The following SNTG1 variants were observed in gnomAD, a reference collection of about 807,000 sequenced individuals.
SNTG1 encodes syntrophin gamma 1.
A neutral mutation model predicts 74.7 loss-of-function variants in SNTG1; 39 were observed. The observed-to-expected ratio is 0.52, with a 90% CI of 0.40 to 0.68. The LOEUF is 0.68. SNTG1 is among the 30% of genes least tolerant of loss of function. The pLI is 0.00. For synonymous variants in SNTG1, 254 were observed against 217.1 expected, an observed-to-expected ratio of 1.17 and a Z score of -1.49; for missense variants, 685 against 609.5, an observed-to-expected ratio of 1.12 and a Z score of -1.30.
intron 18 of SNTG1, among the ~76,000 whole-genome samples, chr8:50,788,523 C>A (rs1382748491): frequency 6.6e-6 from 1 of 151,846 alleles, no homozygotes; most frequent in African/African-American, 2.4e-5. Context: ...GAACGCTAAG[C>A]GTGTGGGAGT....
intron 12 of SNTG1, among the ~76,000 whole-genome samples, chr8:50,579,771 G>T (rs1327491592): frequency 6.6e-6 from 1 of 152,216 alleles, no homozygotes; most frequent in Non-Finnish European, 1.5e-5. Context: ...AAAAATTGAG[G>T]TTTGGGAACT....
At chr8:50,792,084 T>A (rs926235009) in intron 18 of SNTG1, among the ~76,000 whole-genome samples, 3 of 151,688 alleles carry the variant, frequency 2.0e-5, no homozygotes, top group Admixed American at 6.6e-5. Context: ...TAGTTTATTT[T>A]TTTTTTTTTT....
At chr8:50,784,756 A>C (rs527900521) in intron 18 of SNTG1, among the ~76,000 whole-genome samples, 2 of 152,322 alleles carry the variant, frequency 1.3e-5, no homozygotes, top group East Asian at 3.9e-4. Context: ...GCTAATATCT[A>C]AGATCTAACT....
chr8:50,477,230 G>A (rs2093704153), intron 8 of SNTG1, among the ~76,000 whole-genome samples: 1 of 152,028 alleles, frequency 6.6e-6, no homozygotes, highest in African/African-American at 2.4e-5. Flanking sequence ...AAAAGGAGGG[G>A]TGGGGAGAGG....
At position 50,213,140 on chromosome 8, in the gene SNTG1, A is replaced by G. The variant is rs529605512; in HGVS notation, c.-28+40505A>G. 2.0e-4 allele frequency among the ~76,000 whole-genome samples: 30 copies of G among 152,328 alleles called. No homozygotes were observed. In the South Asian group the frequency reaches 6.0e-3, roughly 31 times the overall value. The stretch of plus-strand genomic sequence containing the variant: ...ATCATCACTTATCGAAAATTCTCAG[A>G]CAGGCTTGCTTGTGCATAGGCGGTG... On this transcript the variant is annotated intron_variant, in intron 2 of 18. Transcript: ENST00000642720.
At chr8:50,781,343 CTCTTTG>C (rs2095658818) in intron 18 of SNTG1, among the ~76,000 whole-genome samples, 1 of 152,068 alleles carries the variant, frequency 6.6e-6, no homozygotes, top group East Asian at 1.9e-4. Flanking sequence ...GAGTCTAAGT[CTCTTTG>C]TAGGTCACTC....
chr8:50,011,888 T>A (rs549533655), intron 1 of SNTG1: 3 of 152,318 alleles, frequency 2.0e-5, no homozygotes, highest in Admixed American at 2.0e-4. Flanking sequence ...TGGCAACAAC[T>A]TGAATGTCAA....
chr8:50,483,685 T>C (rs1401674551), intron 8 of SNTG1, among the ~76,000 whole-genome samples: 3 of 152,188 alleles, frequency 2.0e-5, no homozygotes, highest in Non-Finnish European at 2.9e-5. Flanking sequence ...TTCTACAATA[T>C]TTACTTCTTA....
intron 2 of SNTG1, among the ~76,000 whole-genome samples, chr8:50,219,668 A>G (rs1174634207): frequency 6.6e-6 from 1 of 152,152 alleles, no homozygotes; most frequent in East Asian, 1.9e-4. Context: ...AAATCTCATG[A>G]GAACTCACTC....
At chr8:50,536,963 C>T (rs1563541009) in intron 11 of SNTG1, among the ~76,000 whole-genome samples, 155 bp downstream of exon 11, 2 of 152,192 alleles carry the variant, frequency 1.3e-5, no homozygotes, top group African/African-American at 4.8e-5. Context: ...AAGTTAAACA[C>T]TTATTATTCT....
At chr8:49,989,179 A>G (rs889252132) in intron 1 of SNTG1, among the ~76,000 whole-genome samples, 3 of 152,104 alleles carry the variant, frequency 2.0e-5, no homozygotes, top group African/African-American at 4.8e-5. Context: ...CTCTGAAATC[A>G]TTTTCTAAAA....
rs555098012 is a variant in SNTG1, at chr8:50,247,903, A to G, written c.-28+75268A>G. ...TTTATTGTCTCATAATTTTGTAGGCAAGAAGTCTGAGATCAAGTTGTTGGC... is the reference window on the plus strand; with the variant it reads ...TTTATTGTCTCATAATTTTGTAGGCGAGAAGTCTGAGATCAAGTTGTTGGC... On this transcript the variant is annotated intron_variant, in intron 2 of 18. Transcript: ENST00000642720. Among the ~76,000 whole-genome samples the G allele has an allele frequency of 3.9e-5, 6 of 152,160 alleles. No individual in the cohort carries two copies. In the East Asian group the frequency reaches 1.2e-3, roughly 29 times the overall value.
chr8:50,330,557 C>A (rs1390934165), intron 2 of SNTG1, among the ~76,000 whole-genome samples: 1 of 152,202 alleles, frequency 6.6e-6, no homozygotes, highest in African/African-American at 2.4e-5. Context: ...GTTGCTTCTA[C>A]AATTTCAGGT....
chr8:49,918,214 G>T (rs1806215419), intron 1 of SNTG1, among the ~76,000 whole-genome samples: 1 of 152,244 alleles, frequency 6.6e-6, no homozygotes, highest in East Asian at 1.9e-4. Flanking sequence ...ATGAGTGGCT[G>T]AGATAAAATA....
intron 2 of SNTG1, among the ~76,000 whole-genome samples, chr8:50,318,982 T>C (rs2090424452): frequency 6.6e-6 from 1 of 151,842 alleles, no homozygotes; most frequent in Non-Finnish European, 1.5e-5. Flanking sequence ...TATATATATG[T>C]ATGTATATGT....
intron 1 of SNTG1, among the ~76,000 whole-genome samples, chr8:50,075,990 C>A (rs541102026): frequency 6.6e-6 from 1 of 152,248 alleles, no homozygotes; most frequent in African/African-American, 2.4e-5. Context: ...GTCAGTGAGA[C>A]CAAGAAACCA....
chr8:50,241,456 G>C (rs758907426), intron 2 of SNTG1, among the ~76,000 whole-genome samples: 3 of 152,242 alleles, frequency 2.0e-5, no homozygotes, highest in Non-Finnish European at 4.4e-5. Context: ...TTGAATTTTA[G>C]TCTCTAGGCT....
chr8:50,626,192 C>A (rs146372519), intron 13 of SNTG1, among the ~76,000 whole-genome samples: 4 of 152,094 alleles, frequency 2.6e-5, no homozygotes, highest in Non-Finnish European at 5.9e-5. Flanking sequence ...ATATAACACT[C>A]GTTTTACTAT....
At chr8:50,361,251 C>T (rs746343246) in intron 2 of SNTG1, among the ~76,000 whole-genome samples, 6 of 152,176 alleles carry the variant, frequency 3.9e-5, no homozygotes. Context: ...CCTCTTGTCC[C>T]ACTGGAAAGT....
Sources: allele counts gnomAD v4.1 joint callset (sites outside exome capture counted in the v4.1 genomes callset), GRCh38; gene constraint gnomAD v4.1.1; transcripts MANE v1.5; gene names NCBI Gene and HGNC (gene_info 2026-07-23, HGNC 2026-07-21).